The following NFIA variants were observed in gnomAD, a reference collection of about 807,000 sequenced individuals.
NFIA encodes nuclear factor 1 A-type.
A neutral mutation model predicts 62.8 loss-of-function variants in NFIA; 8 were observed. The ratio of observed to expected loss-of-function variants is 0.13; its 90% CI spans 0.07 to 0.23. The LOEUF is 0.23. Among genes scored for constraint, NFIA ranks in the 10% least tolerant of loss-of-function variants. The pLI is 1.00. For synonymous variants in NFIA, 235 were observed against 238.1 expected (o/e 0.99, Z 0.12); for missense variants, 410 against 642.1 (o/e 0.64, Z 3.91).
chr1:61,122,223 G>C (rs572034957), intron 2 of NFIA, among the ~76,000 whole-genome samples: 1 of 152,196 alleles, frequency 6.6e-6, no homozygotes, highest in South Asian at 2.1e-4. Flanking sequence ...TTATTTGTCT[G>C]GATGCTTGTG....
chr1:61,268,781 T>TGGGCTCA (rs1272865180), intron 2 of NFIA, among the ~76,000 whole-genome samples: 1 of 152,158 alleles, frequency 6.6e-6, no homozygotes, highest in Non-Finnish European at 1.5e-5. Flanking sequence ...CTGGGAGCTC[T>TGGGCTCA]GGGCTCAAGA....
intron 7 of NFIA, among the ~76,000 whole-genome samples, chr1:61,393,244 CCTCTCTCTCTCTCTCTCTCT>C (rs766730638): frequency 3.4e-5 from 1 of 29,086 alleles, no homozygotes; most frequent in Non-Finnish European, 5.6e-5. Flanking sequence ...TCGCCCTCTC[CCTCTCTCTCTCTCTCTCTCT>C]CTCTCTCTCT....
At chr1:61,161,680 C>G (rs1428185464) in intron 2 of NFIA, among the ~76,000 whole-genome samples, 1 of 152,034 alleles carries the variant, frequency 6.6e-6, no homozygotes, top group Non-Finnish European at 1.5e-5. Context: ...GGATGTAACT[C>G]TGTCACAAGT....
intron 2 of NFIA, among the ~76,000 whole-genome samples, chr1:61,270,813 G>C (rs1372318452): frequency 2.0e-5 from 3 of 152,222 alleles, no homozygotes; most frequent in Non-Finnish European, 2.9e-5. Flanking sequence ...TGATCGGGTA[G>C]ACTCAATAAC....
chr1:61,107,889 T>A (rs1369531181), intron 2 of NFIA, among the ~76,000 whole-genome samples: 1 of 151,672 alleles, frequency 6.6e-6, no homozygotes, highest in Non-Finnish European at 1.5e-5. Context: ...CAGTTTTCAC[T>A]TTATCACTTA....
chr1:61,163,646 T>C (rs1186707888), intron 2 of NFIA, among the ~76,000 whole-genome samples: 1 of 152,122 alleles, frequency 6.6e-6, no homozygotes, highest in African/African-American at 2.4e-5. Flanking sequence ...AAGTTAGTAG[T>C]CAGAAAAAAA....
chr1:61,450,303 A>G (rs144899799), intron 10 of NFIA, among the ~76,000 whole-genome samples: 4 of 152,244 alleles, frequency 2.6e-5, no homozygotes, highest in African/African-American at 9.6e-5. Context: ...GAGAGACCTC[A>G]TCCATTTCTA....
At chr1:61,391,032 ATTTGTTTGTTTATTTG>A (rs1181482563) in intron 7 of NFIA, among the ~76,000 whole-genome samples, 1 of 147,654 alleles carries the variant, frequency 6.8e-6, no homozygotes, top group African/African-American at 2.6e-5. Flanking sequence ...TATATATTTG[ATTTGTTTGTTTATTTG>A]TTTGTTTGTT....
intron 6 of NFIA, among the ~76,000 whole-genome samples, chr1:61,361,826 T>TAC (rs1178397272): frequency 5.3e-5 from 7 of 131,300 alleles, no homozygotes; most frequent in Non-Finnish European, 1.2e-4. Context: ...TGTGTGTGTG[T>TAC]ACGTACACAT....
At chr1:61,196,227 A>G (rs1651981541) in intron 2 of NFIA, among the ~76,000 whole-genome samples, 1 of 152,176 alleles carries the variant, frequency 6.6e-6, no homozygotes, top group African/African-American at 2.4e-5. Context: ...GTAGGGAATC[A>G]ATACCTAAAA....
Position 61,438,604 on chromosome 1 carries a change from C to T in NFIA, c.1512+12048C>T, listed in dbSNP as rs544789019. Reference sequence around the variant, plus strand: ...ATTAAGATCATACTTAGCATACTCCCAAGGAGCAAGTTAAAGTTCAACTAA... The same window carrying T: ...ATTAAGATCATACTTAGCATACTCCTAAGGAGCAAGTTAAAGTTCAACTAA... On this transcript the variant is annotated intron_variant, in intron 10 of 10. Transcript: ENST00000403491. Among the ~76,000 whole-genome samples the T allele has an allele frequency of 3.3e-5, 5 of 152,172 alleles. No individual in the cohort carries two copies. In the East Asian group the frequency reaches 9.6e-4, roughly 29 times the overall value.
chr1:61,166,937 C>T (rs915877269), intron 2 of NFIA, among the ~76,000 whole-genome samples: 13 of 152,102 alleles, frequency 8.5e-5, no homozygotes, highest in East Asian at 3.9e-4. Context: ...TTCAGGAGAT[C>T]GAGACCATCC....
chr1:61,284,106 G>A (rs1658331901), intron 3 of NFIA, among the ~76,000 whole-genome samples: 1 of 152,128 alleles, frequency 6.6e-6, no homozygotes, highest in South Asian at 2.1e-4. Flanking sequence ...AAACCCCGCA[G>A]GGACAGACAC....
intron 9 of NFIA, among the ~76,000 whole-genome samples, chr1:61,409,286 A>G (rs1405909600): frequency 1.3e-5 from 2 of 152,232 alleles, no homozygotes; most frequent in East Asian, 1.9e-4. Flanking sequence ...GATGACACAG[A>G]AAGGTTTTTA....
At chr1:61,242,499 A>T (rs907089557) in intron 2 of NFIA, among the ~76,000 whole-genome samples, 1 of 152,226 alleles carries the variant, frequency 6.6e-6, no homozygotes, top group Non-Finnish European at 1.5e-5. Context: ...AATTATATAA[A>T]TAACCAGTAC....
At chr1:61,251,435 C>G (rs1444534433) in intron 2 of NFIA, 2 of 152,160 alleles carry the variant, frequency 1.3e-5, no homozygotes, top group Non-Finnish European at 2.9e-5. Flanking sequence ...ATATAAATCA[C>G]TTTATTTTTA....
Position 61,462,024 on chromosome 1 carries a change from G to GTTTTTTTTTTTTTTTTTTTTGTT in NFIA, c.*6722_*6723insTTGTTTTTTTTTTTTTTTTTTTT, listed in dbSNP as rs368139522. The stretch of plus-strand genomic sequence containing the variant: ...ATAGTCTGTAAGTTAGCCTTTTTGG[G>GTTTTTTTTTTTTTTTTTTTTGTT]TTTTTTTTTTTTTTTTTTGGCTTTT... On this transcript the variant is annotated 3_prime_UTR_variant, in exon 11 of 11. Transcript: ENST00000403491. The GTTTTTTTTTTTTTTTTTTTTGTT allele has an allele frequency of 4.1e-5, 3 of 73,198 alleles. No homozygotes were observed. Among genetic ancestry groups the GTTTTTTTTTTTTTTTTTTTTGTT allele is most frequent in the African/African-American group, 6.7e-5 (1 of 14,892 alleles). 4.5% of individuals were successfully genotyped at this position (73,198 alleles called of 1,614,324 possible).
At chr1:61,307,502 C>A (rs1659865563) in intron 3 of NFIA, among the ~76,000 whole-genome samples, 1 of 152,168 alleles carries the variant, frequency 6.6e-6, no homozygotes, top group African/African-American at 2.4e-5. Flanking sequence ...TAAGAGAACA[C>A]CACCACCCAA....
intron 4 of NFIA, among the ~76,000 whole-genome samples, chr1:61,338,817 G>T (rs149784734): frequency 6.6e-6 from 1 of 152,134 alleles, no homozygotes; most frequent in Non-Finnish European, 1.5e-5. Context: ...AATTAAAGTG[G>T]GATAGATTTA....
Sources: gnomAD v4.1 joint callset for allele counts (sites outside exome capture counted in the v4.1 genomes callset) on GRCh38, gnomAD v4.1.1 for gene constraint, MANE v1.5 for transcripts, NCBI Gene and HGNC (gene_info 2026-07-23, HGNC 2026-07-21) for gene names.